Variants in POLA1 observed in about 807,000 individuals in gnomAD.
POLA1 encodes DNA polymerase alpha catalytic subunit.
POLA1 carries 15 observed loss-of-function variants against 124.0 expected under a neutral mutation model. The ratio of observed to expected loss-of-function variants is 0.12; its 90% confidence interval spans 0.08 to 0.19. The LOEUF (loss-of-function observed/expected upper bound fraction) is 0.19, where lower values mean the gene tolerates loss of function less well. Among genes scored for constraint, POLA1 ranks in the 10% least tolerant of loss-of-function variants. POLA1 has a pLI of 1.00. For synonymous variants in POLA1, 408 were observed against 389.4 expected (o/e 1.05, Z -0.56); for missense variants, 886 against 1,103.4 (o/e 0.80, Z 2.79).
chrX:24,720,255 C>T (rs1930125146), intron 10 of POLA1, among the ~76,000 whole-genome samples: 1 of 111,527 alleles, frequency 9.0e-6, no homozygotes, highest in African/African-American at 3.3e-5. Flanking sequence ...GTCTAGGAGC[C>T]CTTTCTCCTT....
chrX:24,748,219 G>T lies in POLA1; in HGVS notation c.2692-92G>T, dbSNP rs1047086076. 2.0e-5 allele frequency: 12 copies of T among 598,464 alleles called. No homozygotes were observed. In the African/African-American group the frequency reaches 2.3e-4, roughly 12 times the overall value. 49.3% of individuals were successfully genotyped at this position (598,464 alleles called of 1,213,427 possible). A position where few individuals can be genotyped will look rare whatever the true frequency, so the allele number is the denominator to read the frequency against. ...GTATAAGATAATAGCTTTTCAAGAT[G>T]TGATCATGGGGGAAAGCTCCTATAA... On this transcript the variant is annotated intron_variant, in intron 24 of 36. Coordinates refer to ENST00000379068, the MANE Select transcript of POLA1 (RefSeq NM_001330360.2).
At chrX:24,963,832 A>G (rs2048193880) in intron 36 of POLA1, among the ~76,000 whole-genome samples, 1 of 111,890 alleles carries the variant, frequency 8.9e-6, no homozygotes, top group Non-Finnish European at 1.9e-5. Flanking sequence ...GAAATAAGTT[A>G]TACCTAATTT....
intron 4 of POLA1, among the ~76,000 whole-genome samples, chrX:24,705,264 T>A (rs1324806960): frequency 8.9e-6 from 1 of 111,890 alleles, no homozygotes; most frequent in Non-Finnish European, 1.9e-5. Flanking sequence ...TCTTGCCTGT[T>A]TTTGTGTGGC....
intron 1 of POLA1, among the ~76,000 whole-genome samples, chrX:24,694,548 G>T (rs1927844102): frequency 8.9e-6 from 1 of 112,552 alleles, no homozygotes; most frequent in Non-Finnish European, 1.9e-5. Flanking sequence ...TCTTTGGAAA[G>T]TTCTTCAAGT....
intron 34 of POLA1, among the ~76,000 whole-genome samples, chrX:24,872,878 T>C (rs1004992620): frequency 9.0e-6 from 1 of 111,618 alleles, no homozygotes; most frequent in Non-Finnish European, 1.9e-5. Flanking sequence ...TTTTAAATAA[T>C]TGAGTTTATT....
rs1318403999 is a variant in POLA1 at position 24,693,975 on chromosome X, A to G, written c.14A>G (p.His5Arg). 1 of 1,193,829 alleles carries G rather than the reference A, an allele frequency of 8.4e-7. No individual in the cohort carries two copies. The highest frequency in any genetic ancestry group is 1.1e-6 in the Non-Finnish European group (1 of 886,576). Residue 5 changes from histidine to arginine, a missense_variant, in exon 1 of 37, where the codon CAC becomes CGC. Physicochemically the swap from His to Arg is conservative, Grantham distance 29. Coordinates refer to ENST00000379068, the MANE Select transcript of POLA1 (RefSeq NM_001330360.2). The part of the protein sequence containing the change: MAPV[H>R]GDDCEIGASA... The stretch of plus-strand genomic sequence containing the variant: ...AGATTCGGGACCATGGCACCTGTGC[A>G]CGGCGACGACTGTGAGATAGGGGCG...
chrX:24,814,957 G>GTTTTTTT (rs749255466), intron 29 of POLA1, 22 bp from the exon 30 acceptor site: 75 of 857,322 alleles, frequency 8.7e-5, no homozygotes, highest in South Asian at 4.2e-4. Flanking sequence ...TCTTTGTTTT[G>GTTTTTTT]TTTTTTTTTT....
intron 4 of POLA1, among the ~76,000 whole-genome samples, chrX:24,713,824 A>G (rs1372415592): frequency 8.9e-6 from 1 of 112,269 alleles, no homozygotes; most frequent in Non-Finnish European, 1.9e-5. Flanking sequence ...GGATGCCACC[A>G]TATCATAATT....
chrX:24,749,814 G>A (rs1335406186), intron 26 of POLA1, among the ~76,000 whole-genome samples: 1 of 112,198 alleles, frequency 8.9e-6, no homozygotes, highest in Non-Finnish European at 1.9e-5. Flanking sequence ...ATAGAATTTA[G>A]GTACATCACT....
intron 32 of POLA1, among the ~76,000 whole-genome samples, chrX:24,829,418 A>G (rs761383892): frequency 1.8e-5 from 2 of 111,069 alleles, no homozygotes; most frequent in East Asian, 5.6e-4. Context: ...CTCTTCTCTC[A>G]TCCTACCCTG....
At chrX:24,801,920 G>GT (rs1569317038) in intron 26 of POLA1, among the ~76,000 whole-genome samples, 22 of 47,512 alleles carry the variant, frequency 4.6e-4, no homozygotes, top group African/African-American at 2.3e-3. Context: ...AGGAGAGGTG[G>GT]GTGGGTGTGT....
intron 26 of POLA1, among the ~76,000 whole-genome samples, chrX:24,786,681 A>ATTT (rs1205219554): frequency 1.7e-4 from 11 of 63,150 alleles, no homozygotes; most frequent in African/African-American, 4.8e-4. Context: ...GGCTTGGCTA[A>ATTT]TTTTTTTTTT....
chrX:24,866,864 ATTC>A (rs1479323312), intron 34 of POLA1, among the ~76,000 whole-genome samples: 5 of 111,781 alleles, frequency 4.5e-5, no homozygotes, highest in African/African-American at 1.3e-4. Flanking sequence ...TTTTATCTTT[ATTC>A]TTCTTATTTC....
intron 35 of POLA1, among the ~76,000 whole-genome samples, chrX:24,894,699 T>G (rs1295009627): frequency 8.9e-6 from 1 of 112,083 alleles, no homozygotes; most frequent in African/African-American, 3.2e-5. Flanking sequence ...AGTCTCATAT[T>G]GGACTAAGGC....
intron 36 of POLA1, among the ~76,000 whole-genome samples, chrX:24,979,302 T>C (rs745455169): frequency 3.5e-4 from 39 of 112,057 alleles, no homozygotes; most frequent in Non-Finnish European, 6.8e-4. Flanking sequence ...AAAATAAGTA[T>C]GTTGTAAGCA....
intron 34 of POLA1, among the ~76,000 whole-genome samples, chrX:24,871,794 CTTATG>C (rs988746665): frequency 4.5e-5 from 5 of 111,119 alleles, no homozygotes; most frequent in African/African-American, 6.5e-5. Flanking sequence ...TTAAATAAGA[CTTATG>C]TTAGGGAAGG....
At chrX:24,817,935 ATTTTT>A (rs747221901) in intron 30 of POLA1, among the ~76,000 whole-genome samples, 1 of 81,514 alleles carries the variant, frequency 1.2e-5, no homozygotes, top group Non-Finnish European at 2.4e-5. Flanking sequence ...TCATGACAAT[ATTTTT>A]TTTTTTTTTT....
intron 30 of POLA1, among the ~76,000 whole-genome samples, chrX:24,815,409 C>T (rs770653903): frequency 4.5e-5 from 5 of 110,105 alleles, no homozygotes; most frequent in Non-Finnish European, 9.5e-5. Flanking sequence ...AGTGATATCA[C>T]TGTATCACTC....
Position 24,757,436 on chromosome X carries a change from C to CTTTTTTTTTTTTTTTTT in POLA1, c.2964+8449_2964+8465dup, listed in dbSNP as rs66782103. Among the ~76,000 whole-genome samples the CTTTTTTTTTTTTTTTTT allele has an allele frequency of 8.4e-4, 52 of 62,136 alleles. 4 individuals carry two copies. The highest frequency in any genetic ancestry group is 3.0e-3 in the African/African-American group (37 of 12,222). 54.0% of individuals were successfully genotyped at this position (62,136 alleles called of 115,157 possible). ...ATCTGAAATGCTCCAAAATCTGAAA[C>CTTTTTTTTTTTTTTTTT]TTTTTTTTTTTTTTTTTTTTTGAGA... On this transcript the variant is annotated intron_variant, in intron 26 of 36. Coordinates refer to ENST00000379068, the MANE Select transcript of POLA1 (RefSeq NM_001330360.2).
Sources: gnomAD v4.1 joint callset for allele counts (sites outside exome capture counted in the v4.1 genomes callset) on GRCh38, gnomAD v4.1.1 for gene constraint, MANE v1.5 for transcripts, NCBI Gene and HGNC (gene_info 2026-07-23, HGNC 2026-07-21) for gene names.